CACNB4: variants seen among roughly 807,000 people sequenced by gnomAD.
CACNB4 encodes calcium voltage-gated channel auxiliary subunit beta 4, also known as voltage-dependent L-type calcium channel subunit beta-4.
In CACNB4, 32 loss-of-function variants were observed where a neutral mutation model predicts 71.2. The ratio of observed to expected loss-of-function variants is 0.45; its 90% CI spans 0.34 to 0.60. The LOEUF (loss-of-function observed/expected upper bound fraction) is 0.60. Ranked by LOEUF, CACNB4 falls within the 20% of genes least tolerant of loss-of-function variation. The pLI is 0.01. For missense variants in CACNB4, 464 were observed against 647.9 expected (o/e 0.72, Z 3.08); for synonymous variants, 231 against 236.9 (o/e 0.97, Z 0.23).
intron 2 of CACNB4, among the ~76,000 whole-genome samples, chr2:151,966,512 C>G (rs146941902): frequency 1.6e-3 from 237 of 152,238 alleles, no homozygotes; most frequent in African/African-American, 5.5e-3. Flanking sequence ...AACTCCTGAC[C>G]TCACGATCCA....
intron 2 of CACNB4, among the ~76,000 whole-genome samples, chr2:152,011,322 C>T (rs762080519): frequency 3.3e-5 from 5 of 152,188 alleles, no homozygotes; most frequent in Non-Finnish European, 7.3e-5. Context: ...CCAAGAAACA[C>T]GGTGCCTTGA....
At chr2:151,960,632 T>G (rs987024755) in intron 2 of CACNB4, among the ~76,000 whole-genome samples, 1 of 152,186 alleles carries the variant, frequency 6.6e-6, no homozygotes, top group Non-Finnish European at 1.5e-5. Flanking sequence ...CATATCCCAG[T>G]GATGGGTTAC....
chr2:152,068,058 T>C (rs1042349950), intron 2 of CACNB4, among the ~76,000 whole-genome samples: 4 of 152,130 alleles, frequency 2.6e-5, no homozygotes, highest in African/African-American at 7.2e-5. Context: ...GCTCAGGAAC[T>C]AACTATAAAG....
At chr2:152,028,320 T>C (rs114415834) in intron 2 of CACNB4, among the ~76,000 whole-genome samples, 100 of 152,194 alleles carry the variant, frequency 6.6e-4, no homozygotes, top group African/African-American at 2.3e-3. Flanking sequence ...TTACCTAAAA[T>C]ATGGAAGTGG....
chr2:151,864,057 CT>C (rs1008065782), intron 9 of CACNB4, among the ~76,000 whole-genome samples: 2 of 152,268 alleles, frequency 1.3e-5, no homozygotes, highest in South Asian at 2.1e-4. Context: ...AGCTTATATA[CT>C]TTTTTTAACT....
At chr2:151,986,550 T>C (rs1203731506) in intron 2 of CACNB4, among the ~76,000 whole-genome samples, 1 of 152,210 alleles carries the variant, frequency 6.6e-6, no homozygotes, top group Non-Finnish European at 1.5e-5. Context: ...ACTAGAATCA[T>C]CTATAGCTAT....
At chr2:152,009,492 A>G (rs1402257581) in intron 2 of CACNB4, among the ~76,000 whole-genome samples, 2 of 152,180 alleles carry the variant, frequency 1.3e-5, no homozygotes, top group Non-Finnish European at 2.9e-5. Flanking sequence ...ATAGTAAGGT[A>G]AGATGTTACT....
At position 151,836,150 on chromosome 2, in the gene CACNB4, C is replaced by T. The variant is rs1005544514; in HGVS notation, c.*2969G>A. 2 of 151,764 alleles carry T rather than the reference C, an allele frequency of 1.3e-5. No individual in the cohort carries two copies. Among genetic ancestry groups the T allele is most frequent in the Admixed American group, 1.3e-4 (2 of 15,238 alleles). The allele number at this position is 151,764 out of a possible 1,614,324, so 9.4% of individuals were successfully genotyped here. ...AACATCAGGATTGACAAATTGCATT[C>T]GTTTTTTTCCAGAACTACATTTCCA... On this transcript the variant is annotated 3_prime_UTR_variant, in exon 14 of 14. Coordinates refer to ENST00000539935, the MANE Select transcript of CACNB4 (RefSeq NM_000726.5).
chr2:151,861,912 A>G (rs2099841832), intron 9 of CACNB4, among the ~76,000 whole-genome samples: 1 of 152,022 alleles, frequency 6.6e-6, no homozygotes, highest in Non-Finnish European at 1.5e-5. Context: ...ATCTATTTGC[A>G]TATGATTTAT....
intron 2 of CACNB4, among the ~76,000 whole-genome samples, chr2:151,955,766 G>C (rs567996140): frequency 2.0e-5 from 3 of 152,066 alleles, no homozygotes; most frequent in Non-Finnish European, 4.4e-5. Flanking sequence ...GCCAGGTGTG[G>C]TGGTACACGC....
At chr2:151,875,395 T>A (rs2099845740) in intron 5 of CACNB4, among the ~76,000 whole-genome samples, 1 of 151,098 alleles carries the variant, frequency 6.6e-6, no homozygotes, top group African/African-American at 2.4e-5. Context: ...GTCTACTTCT[T>A]TCTACACAGA....
At chr2:151,917,261 A>C (rs2099857756) in intron 2 of CACNB4, among the ~76,000 whole-genome samples, 1 of 152,172 alleles carries the variant, frequency 6.6e-6, no homozygotes, top group African/African-American at 2.4e-5. Context: ...GATGACTGCC[A>C]ATTTGGAAGG....
At chr2:151,958,057 C>T (rs189582506) in intron 2 of CACNB4, among the ~76,000 whole-genome samples, 17 of 152,094 alleles carry the variant, frequency 1.1e-4, no homozygotes, top group Middle Eastern at 3.4e-3. Context: ...GAGAAAGGGA[C>T]GGAGTATGGT....
chr2:151,866,047 AGT>A (rs998734469), intron 9 of CACNB4: 1 of 152,092 alleles, frequency 6.6e-6, no homozygotes, highest in African/African-American at 2.4e-5. Context: ...GGCCTCCCAA[AGT>A]GCTGGGATTA....
chr2:151,837,733 T>C lies in CACNB4; in HGVS notation c.*1386A>G, dbSNP rs2099835195. 2 of 152,108 alleles carry C rather than the reference T, an allele frequency of 1.3e-5. No homozygotes were observed. The highest frequency in any genetic ancestry group is 6.5e-5 in the Admixed American group (1 of 15,268). 9.4% of individuals were successfully genotyped at this position (152,108 alleles called of 1,614,324 possible). A position where few individuals can be genotyped will look rare whatever the true frequency, so the allele number is the denominator to read the frequency against. ...ACATAGGTCACCAATTCCATAATTA[T>C]AGCCACTGGAAAAACTGTGAAGACT... On this transcript the variant is annotated 3_prime_UTR_variant, in exon 14 of 14. Coordinates refer to ENST00000539935, the MANE Select transcript of CACNB4 (RefSeq NM_000726.5).
chr2:152,089,386 C>T (rs1368903380), intron 2 of CACNB4, among the ~76,000 whole-genome samples: 1 of 152,166 alleles, frequency 6.6e-6, no homozygotes, highest in African/African-American at 2.4e-5. Context: ...GCTTTGCAAG[C>T]TTTGTCTTGC....
intron 2 of CACNB4, among the ~76,000 whole-genome samples, chr2:152,015,758 G>A (rs1443554793): frequency 2.0e-5 from 3 of 152,146 alleles, no homozygotes; most frequent in African/African-American, 7.2e-5. Context: ...AAACCTGCAC[G>A]GGCAGAAGCA....
intron 6 of CACNB4, 67 bp downstream of exon 6, chr2:151,872,350 G>T: frequency 1.2e-6 from 1 of 850,888 alleles, no homozygotes; most frequent in Non-Finnish European, 1.9e-6. Context: ...AAAACTACTT[G>T]CATGTGTGTT....
chr2:151,931,974 A>G (rs1295580311), intron 2 of CACNB4, among the ~76,000 whole-genome samples: 3 of 152,320 alleles, frequency 2.0e-5, no homozygotes, highest in Middle Eastern at 3.4e-3. Context: ...TTTCTGTAAA[A>G]ATAAACAACC....
Sources: gnomAD v4.1 joint callset for allele counts (sites outside exome capture counted in the v4.1 genomes callset) on GRCh38, gnomAD v4.1.1 for gene constraint, MANE v1.5 for transcripts, NCBI Gene and HGNC (gene_info 2026-07-23, HGNC 2026-07-21) for gene names.